Variants in NCKAP5 observed in about 807,000 individuals in gnomAD.
NCKAP5 encodes NCK associated protein 5, also known as nck-associated protein 5.
A neutral mutation model predicts 167.0 loss-of-function variants in NCKAP5; 92 were observed. That is an observed-to-expected ratio of 0.55 (90% CI 0.47 to 0.66). The LOEUF is 0.66. Among genes scored for constraint, NCKAP5 ranks in the 30% least tolerant of loss-of-function variants. The pLI, the probability that NCKAP5 is intolerant of heterozygous loss-of-function variation, is 0.00. For synonymous variants in NCKAP5, 891 were observed against 877.4 expected, an observed-to-expected ratio of 1.02 and a Z score of -0.27; for missense variants, 2,378 against 2,315.0, an observed-to-expected ratio of 1.03 and a Z score of -0.56.
chr2:133,523,718 G>A (rs549763229), intron 2 of NCKAP5, among the ~76,000 whole-genome samples: 20 of 152,216 alleles, frequency 1.3e-4, no homozygotes, highest in African/African-American at 4.3e-4. Flanking sequence ...TAAACATCCC[G>A]AGAACAGAGA....
At chr2:132,735,160 TTA>T (rs1465387425) in intron 16 of NCKAP5, among the ~76,000 whole-genome samples, 2 of 150,464 alleles carry the variant, frequency 1.3e-5, no homozygotes, top group Non-Finnish European at 1.5e-5. Context: ...GATTGAATCC[TTA>T]GACTTCTCGC....
chr2:133,509,879 C>T (rs1424547290), intron 3 of NCKAP5, among the ~76,000 whole-genome samples: 2 of 152,128 alleles, frequency 1.3e-5, no homozygotes, highest in East Asian at 1.9e-4. Flanking sequence ...TGTGAAAAGG[C>T]CAGAAGTAGG....
rs991363932 is a variant in NCKAP5, at chr2:132,672,199, T to C, written c.*1090A>G. On this transcript the variant is annotated 3_prime_UTR_variant, in exon 20 of 20. Coordinates refer to ENST00000409261, the MANE Select transcript of NCKAP5 (RefSeq NM_207363.3). ...GAACATTGCAAATAGAAATTTGTTT[T>C]CATTTTTAGAGTGCCCAGATTTTAA... The C allele has an allele frequency of 1.3e-5, 2 of 152,684 alleles. No individual in the cohort carries two copies. Among genetic ancestry groups the C allele is most frequent in the African/African-American group, 4.8e-5 (2 of 41,482 alleles). The allele number at this position is 152,684 out of a possible 1,614,324, so 9.5% of individuals were successfully genotyped here. A position where few individuals can be genotyped will look rare whatever the true frequency, so the allele number is the denominator to read the frequency against.
At chr2:133,666,749 A>C in the NCKAP5 span, among the ~76,000 whole-genome samples, 14 of 152,026 alleles carry the variant, frequency 9.2e-5, no homozygotes, top group African/African-American at 3.4e-4. Flanking sequence ...CTCTAACATC[A>C]ATTGGTAAAA....
At chr2:133,149,797 C>T (rs553781043) in intron 5 of NCKAP5, among the ~76,000 whole-genome samples, 1 of 152,192 alleles carries the variant, frequency 6.6e-6, no homozygotes, top group South Asian at 2.1e-4. Context: ...CTAGTCCATG[C>T]CCCCTACTTA....
chr2:133,449,583 T>C (rs112210354), intron 3 of NCKAP5, among the ~76,000 whole-genome samples: 5 of 152,170 alleles, frequency 3.3e-5, no homozygotes, highest in Non-Finnish European at 7.3e-5. Context: ...CAAGGAAATA[T>C]AGAGGTTTAC....
At chr2:133,084,030 G>T (rs1278603889) in intron 6 of NCKAP5, among the ~76,000 whole-genome samples, 1 of 152,142 alleles carries the variant, frequency 6.6e-6, no homozygotes, top group African/African-American at 2.4e-5. Flanking sequence ...GGTATCAGAA[G>T]GATGATTAGG....
At chr2:133,529,803 G>A (rs1166654028) in intron 2 of NCKAP5, among the ~76,000 whole-genome samples, 6 of 152,098 alleles carry the variant, frequency 3.9e-5, no homozygotes, top group Non-Finnish European at 7.4e-5. Flanking sequence ...GGGCATCTTT[G>A]TTTTATGTGT....
At chr2:133,223,603 T>G (rs760632281) in intron 4 of NCKAP5, among the ~76,000 whole-genome samples, 2 of 152,220 alleles carry the variant, frequency 1.3e-5, no homozygotes, top group African/African-American at 4.8e-5. Flanking sequence ...CCGCAACTCA[T>G]ATGAAAGAAA....
chr2:133,048,721 T>C (rs2079495920), intron 6 of NCKAP5, among the ~76,000 whole-genome samples: 1 of 152,204 alleles, frequency 6.6e-6, no homozygotes, highest in Non-Finnish European at 1.5e-5. Flanking sequence ...CCTGCAGATA[T>C]TTGGAATAGA....
chr2:133,486,806 A>C (rs1235627309), intron 3 of NCKAP5, among the ~76,000 whole-genome samples: 2 of 152,332 alleles, frequency 1.3e-5, no homozygotes, highest in East Asian at 3.8e-4. Context: ...AAAAACAATT[A>C]GTAAGCTATT....
intron 3 of NCKAP5, among the ~76,000 whole-genome samples, chr2:133,383,564 C>CT (rs1424054339): frequency 6.6e-6 from 1 of 152,142 alleles, no homozygotes; most frequent in Non-Finnish European, 1.5e-5. Flanking sequence ...ATTTATATTC[C>CT]TTTGGTTATA....
intron 16 of NCKAP5, among the ~76,000 whole-genome samples, chr2:132,740,851 A>T (rs562569027): frequency 4.2e-4 from 64 of 152,204 alleles, no homozygotes; most frequent in Non-Finnish European, 8.7e-4. Flanking sequence ...TATGACAAAC[A>T]ATTAAAAAAG....
chr2:132,788,122 G>T (rs1056107661), intron 13 of NCKAP5, among the ~76,000 whole-genome samples: 2 of 152,152 alleles, frequency 1.3e-5, no homozygotes, highest in East Asian at 1.9e-4. Flanking sequence ...TTGAAGCTTG[G>T]GGGTAGGAGA....
chr2:132,890,997 G>A (rs1017601977), intron 8 of NCKAP5, among the ~76,000 whole-genome samples: 3 of 152,294 alleles, frequency 2.0e-5, no homozygotes, highest in Middle Eastern at 3.4e-3. Context: ...TTTAGGACCA[G>A]CACAAGACAC....
chr2:132,831,631 G>C (rs951892617), intron 11 of NCKAP5, among the ~76,000 whole-genome samples: 1 of 151,794 alleles, frequency 6.6e-6, no homozygotes, highest in Non-Finnish European at 1.5e-5. Flanking sequence ...TAATAGTATG[G>C]ATATTAATAT....
intron 8 of NCKAP5, among the ~76,000 whole-genome samples, chr2:132,960,614 G>A (rs548877017): frequency 6.6e-6 from 1 of 152,322 alleles, no homozygotes; most frequent in South Asian, 2.1e-4. Context: ...ACGAATGTGA[G>A]TCGGAACTTA....
Position 132,845,102 on chromosome 2 carries a change from T to A in NCKAP5, c.807+15390A>T, listed in dbSNP as rs572839203. Among the ~76,000 whole-genome samples the A allele has an allele frequency of 9.2e-4, 140 of 152,302 alleles. 1 individual carries two copies. Among genetic ancestry groups the A allele is most frequent in the African/African-American group, 3.2e-3 (135 of 41,582 alleles). ...CATAAGTTCATCAGCCATTTGTGTT[T>A]CCTCTCCTGTTAACTGTTAACTGTT... On this transcript the variant is annotated intron_variant, in intron 11 of 19. Coordinates refer to ENST00000409261, the MANE Select transcript of NCKAP5 (RefSeq NM_207363.3).
At chr2:133,559,600 G>T (rs1196230182) in intron 1 of NCKAP5, among the ~76,000 whole-genome samples, 1 of 152,114 alleles carries the variant, frequency 6.6e-6, no homozygotes, top group Non-Finnish European at 1.5e-5. Context: ...GATTATAAGC[G>T]TGAGCCCCTC....
Sources: gnomAD v4.1 joint callset for allele counts (sites outside exome capture counted in the v4.1 genomes callset) on GRCh38, gnomAD v4.1.1 for gene constraint, MANE v1.5 for transcripts, NCBI Gene and HGNC (gene_info 2026-07-23, HGNC 2026-07-21) for gene names.